Variants in TFEC observed in about 807,000 individuals in gnomAD.
TFEC encodes the protein transcription factor EC.
TFEC carries 31 observed loss-of-function variants against 41.6 expected under a neutral mutation model. The observed-to-expected ratio is 0.74, with a 90% CI of 0.56 to 1.01. The LOEUF is 1.01. Ranked by LOEUF, TFEC falls within the 50% of genes least tolerant of loss-of-function variation. The pLI is 0.00. For missense variants in TFEC, 402 were observed against 404.1 expected (o/e 0.99, Z 0.04); for synonymous variants, 143 against 140.6 (o/e 1.02, Z -0.12).
At chr7:116,052,427 GGTTTGTTT>G (rs569201949) in intron 3 of TFEC, among the ~76,000 whole-genome samples, 3 of 152,030 alleles carry the variant, frequency 2.0e-5, no homozygotes, top group Middle Eastern at 3.4e-3. Flanking sequence ...TAAGTTGTTT[GGTTTGTTT>G]GTTTGTTTGT....
intron 1 of TFEC, among the ~76,000 whole-genome samples, chr7:116,112,754 A>T (rs983462020): frequency 1.4e-4 from 21 of 152,042 alleles, no homozygotes; most frequent in Non-Finnish European, 2.5e-4. Flanking sequence ...AACAAAATTG[A>T]AGCCCAATAG....
At chr7:115,991,334 C>A (rs1315903585) in intron 1 of TFEC, among the ~76,000 whole-genome samples, 3 of 152,152 alleles carry the variant, frequency 2.0e-5, no homozygotes. Flanking sequence ...GCAAAATAAC[C>A]AGCTAACATC....
intron 1 of TFEC, among the ~76,000 whole-genome samples, chr7:116,000,803 A>G (rs180728649): frequency 1.6e-3 from 245 of 152,284 alleles, no homozygotes; most frequent in African/African-American, 5.6e-3. Flanking sequence ...ATTGGAGAGG[A>G]CACCAAAAAA....
chr7:115,948,312 A>C (rs1212531488), intron 6 of TFEC, among the ~76,000 whole-genome samples: 2 of 151,876 alleles, frequency 1.3e-5, no homozygotes, highest in Non-Finnish European at 2.9e-5. Flanking sequence ...TATTCCAATC[A>C]ATAGAAAAAG....
chr7:116,052,405 C>A (rs1163471074), intron 3 of TFEC, among the ~76,000 whole-genome samples: 3 of 151,920 alleles, frequency 2.0e-5, no homozygotes, highest in Non-Finnish European at 4.4e-5. Context: ...AGAAAAGAAA[C>A]AAAAATACAT....
At chr7:116,062,727 GTAGACACCTAA>G (rs529013603) in intron 3 of TFEC, among the ~76,000 whole-genome samples, 186 of 151,886 alleles carry the variant, frequency 1.2e-3, no homozygotes, top group Non-Finnish European at 2.3e-3. Context: ...TTTCCTCTGG[GTAGACACCTAA>G]TAGTGGGATT....
chr7:116,028,993 T>A (rs1269562788), intron 1 of TFEC, among the ~76,000 whole-genome samples: 1 of 152,174 alleles, frequency 6.6e-6, no homozygotes, highest in Non-Finnish European at 1.5e-5. Flanking sequence ...TTTAAATGTC[T>A]TGTAATTATT....
intron 3 of TFEC, 87 bp from the exon 4 acceptor site, chr7:115,956,880 A>C: frequency 1.3e-6 from 1 of 745,054 alleles, no homozygotes. Flanking sequence ...TTTCCACTTT[A>C]AATGTGGCAT....
intron 1 of TFEC, 79 bp from the exon 2 acceptor site, chr7:115,984,592 G>C (rs1793772380): frequency 6.6e-7 from 1 of 1,505,594 alleles, no homozygotes; most frequent in Non-Finnish European, 9.0e-7. Context: ...AATTGCACTA[G>C]GATAATAAAC....
At chr7:115,969,705 GGC>G (rs1793043874) in intron 3 of TFEC, among the ~76,000 whole-genome samples, 1 of 151,924 alleles carries the variant, frequency 6.6e-6, no homozygotes, top group African/African-American at 2.4e-5. Context: ...AGATTATTCT[GGC>G]TGCTCTGTGA....
At chr7:116,016,672 G>A (rs1018639145) in intron 1 of TFEC, among the ~76,000 whole-genome samples, 1 of 151,692 alleles carries the variant, frequency 6.6e-6, no homozygotes, top group African/African-American at 2.4e-5. Context: ...AGGAGGCCCA[G>A]CTACGTAGTA....
rs144972017 is a variant in TFEC at position 116,136,728 on chromosome 7, T to G, written c.-69+23062A>C. Among the ~76,000 whole-genome samples, 926 of 152,048 alleles carry G rather than the reference T, an allele frequency of 6.1e-3. 3 individuals are homozygous for G. Among genetic ancestry groups the G allele is most frequent in the South Asian group, 0.015 (72 of 4,818 alleles). Reference sequence around the variant, plus strand: ...AAATGCAAGTCATATGAATAATTTCTCAATTTATTTGTAAAGCTAAACATT... The same window carrying G: ...AAATGCAAGTCATATGAATAATTTCGCAATTTATTTGTAAAGCTAAACATT... On this transcript the variant is annotated intron_variant, in intron 1 of 8. Coordinates refer to the TFEC transcript ENST00000484212.
At chr7:116,022,804 A>T (rs1795448340) in intron 1 of TFEC, among the ~76,000 whole-genome samples, 1 of 152,194 alleles carries the variant, frequency 6.6e-6, no homozygotes, top group African/African-American at 2.4e-5. Flanking sequence ...AAAAGCATAA[A>T]GGCTAAAGTT....
rs537910431 is a variant in TFEC, at chr7:116,057,806, G to A, written c.198+52902C>T. On this transcript the variant is annotated intron_variant, in intron 3 of 8. Transcript: ENST00000484212. ...AAGTTCTTATACTATATGTAAAGAG[G>A]TATAATATAACTTGAAAAATTGTGG... Among the ~76,000 whole-genome samples, 28 of 151,920 alleles carry A rather than the reference G, an allele frequency of 1.8e-4. 1 individual carries two copies. The South Asian group carries it at 5.4e-3, about 29-fold the overall frequency.
chr7:115,958,146 C>T (rs999419391), intron 3 of TFEC, among the ~76,000 whole-genome samples: 1 of 151,724 alleles, frequency 6.6e-6, no homozygotes, highest in African/African-American at 2.4e-5. Flanking sequence ...TGGAAGGGAG[C>T]TATAAAAGCC....
chr7:116,135,214 T>G (rs1211255462), intron 1 of TFEC, among the ~76,000 whole-genome samples: 1 of 152,136 alleles, frequency 6.6e-6, no homozygotes, highest in Non-Finnish European at 1.5e-5. Context: ...AAACTTTATT[T>G]TATAAATATA....
intron 1 of TFEC, among the ~76,000 whole-genome samples, chr7:115,992,321 T>G (rs376434787): frequency 6.6e-6 from 1 of 151,836 alleles, no homozygotes; most frequent in Non-Finnish European, 1.5e-5. Flanking sequence ...GAAAACACAT[T>G]CAAAAGCTAG....
At chr7:116,147,580 T>C (rs567713888) in intron 1 of TFEC, among the ~76,000 whole-genome samples, 7 of 122,634 alleles carry the variant, frequency 5.7e-5, no homozygotes, top group Admixed American at 9.6e-5. Context: ...ACAGGCCCCA[T>C]TGTGTGATGT....
rs138841173 is a variant in TFEC at position 115,981,891 on chromosome 7, T to C, written c.180+2371A>G. On this transcript the variant is annotated intron_variant, in intron 2 of 7. Transcript: ENST00000265440. The stretch of plus-strand genomic sequence containing the variant: ...ACCATGAGAACCAGTGGTAAACCCA[T>C]AGAGCTGAAACATGAAGCTCTATGG... Among the ~76,000 whole-genome samples, 49 of 152,228 alleles carry C rather than the reference T, an allele frequency of 3.2e-4. 1 individual carries two copies. The highest frequency in any genetic ancestry group is 1.1e-3 in the African/African-American group (47 of 41,548).
Sources: gnomAD v4.1 joint callset for allele counts (sites outside exome capture counted in the v4.1 genomes callset) on GRCh38, gnomAD v4.1.1 for gene constraint, MANE v1.5 for transcripts, NCBI Gene and HGNC (gene_info 2026-07-23, HGNC 2026-07-21) for gene names.